The following CEP350 variants were observed in gnomAD, a reference collection of about 807,000 sequenced individuals.
CEP350 encodes centrosomal protein 350.
CEP350 carries 126 observed loss-of-function variants against 331.8 expected under a neutral mutation model. The observed-to-expected ratio is 0.38, with a 90% CI of 0.33 to 0.44. The LOEUF is 0.44. CEP350 is among the 20% of genes least tolerant of loss of function. CEP350 has a pLI of 1.00. For missense variants in CEP350, 3,406 were observed against 3,634.6 expected (o/e 0.94, Z 1.62); for synonymous variants, 1,200 against 1,259.5 (o/e 0.95, Z 1.00).
chr1:180,043,048 A>G lies in CEP350; in HGVS notation c.4363-8A>G, dbSNP rs774088384. ...ACATTTGCCTTTCTTGTGTGTGTTC[A>G]TGTTTAGATGGCAGAGTTGACTAGA... On this transcript the variant is annotated splice_polypyrimidine_tract_variant and splice_region_variant and intron_variant, in intron 19 of 37. Coordinates refer to ENST00000367607, the MANE Select transcript of CEP350 (RefSeq NM_014810.5). The G allele has an allele frequency of 3.2e-5, 51 of 1,609,214 alleles. No homozygotes were observed. The Admixed American group carries it at 8.1e-4, about 26-fold the overall frequency.
chr1:180,043,423 T>C (rs1172422444), intron 20 of CEP350, among the ~76,000 whole-genome samples: 1 of 152,118 alleles, frequency 6.6e-6, no homozygotes, highest in Non-Finnish European at 1.5e-5. Flanking sequence ...GTCTCAGAGA[T>C]AATGTAACAC....
At chr1:179,987,556 A>G (rs899148537) in intron 3 of CEP350, among the ~76,000 whole-genome samples, 2 of 149,898 alleles carry the variant, frequency 1.3e-5, no homozygotes, top group South Asian at 2.1e-4. Flanking sequence ...ATGAACATAA[A>G]TGACAACTAT....
chr1:180,035,129 T>A (rs541325904), intron 16 of CEP350, among the ~76,000 whole-genome samples: 3 of 152,330 alleles, frequency 2.0e-5, no homozygotes, highest in East Asian at 3.9e-4. Flanking sequence ...AGTGGCATCT[T>A]TAAGCCAAAG....
chr1:180,011,161 C>G (rs1371415648), intron 8 of CEP350, among the ~76,000 whole-genome samples: 1 of 151,890 alleles, frequency 6.6e-6, no homozygotes, highest in Non-Finnish European at 1.5e-5. Context: ...AATGATTATA[C>G]TTTTTAAATG....
chr1:180,056,020 G>A (rs1657816718), intron 25 of CEP350, among the ~76,000 whole-genome samples: 1 of 151,944 alleles, frequency 6.6e-6, no homozygotes, highest in African/African-American at 2.4e-5. Context: ...CCCTCATTCT[G>A]TGGGGTTTCT....
rs1010528310 is a variant in CEP350 at position 180,096,208 on chromosome 1, C to T, written c.9066+24C>T. ...AGGTAAACTGCAAACTATAAAGTGT[C>T]TTCTTTTTTGACTTGCTGTTCATTT... is the stretch of plus-strand genomic sequence containing the variant. On this transcript the variant is annotated intron_variant, in intron 36 of 37. Coordinates refer to ENST00000367607, the MANE Select transcript of CEP350 (RefSeq NM_014810.5). 2.6e-6 allele frequency: 4 copies of T among 1,525,206 alleles called. No individual in the cohort carries two copies. The African/African-American group carries it at 5.6e-5, about 21-fold the overall frequency. 94.5% of individuals were successfully genotyped at this position (1,525,206 alleles called of 1,614,324 possible).
chr1:180,084,959 T>C (rs751300901), intron 31 of CEP350, among the ~76,000 whole-genome samples: 1 of 152,158 alleles, frequency 6.6e-6, no homozygotes, highest in Non-Finnish European at 1.5e-5. Context: ...GATTGGTGTC[T>C]ATACCCTTGT....
At chr1:180,076,577 C>G (rs765592118) in intron 28 of CEP350, among the ~76,000 whole-genome samples, 24 of 152,100 alleles carry the variant, frequency 1.6e-4, no homozygotes, top group Non-Finnish European at 2.8e-4. Context: ...TCACTTGAAC[C>G]CAGGAGTTTG....
intron 11 of CEP350, among the ~76,000 whole-genome samples, chr1:180,016,684 C>T (rs1228847175): frequency 1.8e-5 from 2 of 110,608 alleles, no homozygotes; most frequent in Non-Finnish European, 3.6e-5. Flanking sequence ...TTTTTGGAGA[C>T]AGGGTTTCAC....
rs527799343 is a variant in CEP350, at chr1:179,955,391, T to G, written c.-14+249T>G. Among the ~76,000 whole-genome samples, 4 of 152,214 alleles carry G rather than the reference T, an allele frequency of 2.6e-5. 1 individual carries two copies. In the East Asian group the frequency reaches 5.8e-4, roughly 22 times the overall value. On this transcript the variant is annotated intron_variant, in intron 1 of 37. Coordinates refer to ENST00000367607, the MANE Select transcript of CEP350 (RefSeq NM_014810.5). ...CCTTACGTGCCAGTGTCCTCCCGCC[T>G]CCTCCACCCCTCCTCTAGCCTGCAG...
chr1:180,045,338 T>C (rs1374225515), intron 21 of CEP350, among the ~76,000 whole-genome samples: 1 of 151,798 alleles, frequency 6.6e-6, no homozygotes, highest in Non-Finnish European at 1.5e-5. Context: ...TGAGACTCCA[T>C]CTCAAAAGAA....
At chr1:179,986,746 T>C (rs1040066787) in intron 2 of CEP350, among the ~76,000 whole-genome samples, 2 of 152,200 alleles carry the variant, frequency 1.3e-5, no homozygotes, top group African/African-American at 4.8e-5. Context: ...GAAATACTTA[T>C]CCTGGAGAAG....
At chr1:180,099,023 T>C (rs1572000038) in intron 37 of CEP350, 38 bp downstream of exon 37, 1 of 1,586,088 alleles carries the variant, frequency 6.3e-7, no homozygotes, top group Non-Finnish European at 8.6e-7. Flanking sequence ...ATTTTGACCA[T>C]ATCTTTTAAA....
Position 180,109,407 on chromosome 1 carries a change from C to T in CEP350, c.9190-1590C>T, listed in dbSNP as rs144274473. Among the ~76,000 whole-genome samples the T allele has an allele frequency of 3.0e-3, 454 of 152,192 alleles. 2 individuals are homozygous for T. Among genetic ancestry groups the T allele is most frequent in the Non-Finnish European group, 3.9e-3 (265 of 68,012 alleles). The stretch of plus-strand genomic sequence containing the variant: ...TGCTAGGATTACAGGCTTGAGCCAC[C>T]GCGCTCGGCCCACTTTCTCTGCTTT... On this transcript the variant is annotated intron_variant, in intron 37 of 37. Transcript: ENST00000367607.
At chr1:180,075,630 A>G (rs763525122) in intron 28 of CEP350, among the ~76,000 whole-genome samples, 2 of 151,746 alleles carry the variant, frequency 1.3e-5, no homozygotes, top group Non-Finnish European at 2.9e-5. Flanking sequence ...GAGAAAGATG[A>G]TATAACCACA....
intron 17 of CEP350, among the ~76,000 whole-genome samples, chr1:180,037,369 TA>T (rs1169483730): frequency 1.7e-4 from 26 of 151,930 alleles, no homozygotes; most frequent in Non-Finnish European, 4.4e-5. Context: ...CAAACATTCT[TA>T]ATATTTTCTC....
At chr1:180,048,135 T>G (rs1657252309) in intron 21 of CEP350, among the ~76,000 whole-genome samples, 1 of 152,224 alleles carries the variant, frequency 6.6e-6, no homozygotes. Flanking sequence ...AAGTATAGAT[T>G]AAGCTTATTT....
Position 180,053,100 on chromosome 1 carries a change from A to G in CEP350, c.4923A>G (p.Arg1641=). ...ESHRRFNMEK[R]RGHHDDSDEE... ...ACCGCAGATTTAACATGGAAAAGAG[A>G]AGAGGTCATCATGATGACTCTGATG... The change falls in exon 23 of 38, where the codon AGA becomes AGG. Residue 1641 remains arginine (R), a synonymous_variant. Coordinates refer to ENST00000367607, the MANE Select transcript of CEP350 (RefSeq NM_014810.5). 1 of 1,609,764 alleles carries G rather than the reference A, an allele frequency of 6.2e-7. No individual in the cohort carries two copies. Among genetic ancestry groups the G allele is most frequent in the Non-Finnish European group, 8.5e-7 (1 of 1,177,518 alleles).
chr1:180,050,692 A>C lies in CEP350; in HGVS notation c.4792+1987A>C, dbSNP rs565440004. Among the ~76,000 whole-genome samples the C allele has an allele frequency of 1.8e-4, 26 of 144,128 alleles. No homozygotes were observed. In the East Asian group the frequency reaches 4.9e-3, roughly 27 times the overall value. 94.6% of individuals were successfully genotyped at this position (144,128 alleles called of 152,430 possible). A position where few individuals can be genotyped will look rare whatever the true frequency, so the allele number is the denominator to read the frequency against. ...AAAAACCAAAAAAAAAAAAAAAAAC[A>C]AAAAAACCTCAATAATAGGAAAAAC... is the stretch of plus-strand genomic sequence containing the variant. On this transcript the variant is annotated intron_variant, in intron 22 of 37. Transcript: ENST00000367607.
Sources: gnomAD v4.1 joint callset for allele counts (sites outside exome capture counted in the v4.1 genomes callset) on GRCh38, gnomAD v4.1.1 for gene constraint, MANE v1.5 for transcripts, NCBI Gene and HGNC (gene_info 2026-07-23, HGNC 2026-07-21) for gene names.